GOSR2: variants seen among roughly 807,000 people sequenced by gnomAD.
GOSR2 encodes golgi SNAP receptor complex member 2, also known as 27 kDa Golgi SNARE protein.
Under a neutral mutation model 27.9 loss-of-function variants are expected in GOSR2, and 20 were observed. The observed-to-expected ratio is 0.72, with a 90% CI of 0.50 to 1.04. GOSR2 has a LOEUF of 1.04. Among genes scored for constraint, GOSR2 ranks in the 50% least tolerant of loss-of-function variants. GOSR2 has a pLI of 0.00. For synonymous variants in GOSR2, 91 were observed against 98.8 expected (o/e 0.92, Z 0.47); for missense variants, 261 against 270.5 (o/e 0.97, Z 0.25).
chr17:46,943,297 C>G (rs182047417), downstream of GOSR2, among the ~76,000 whole-genome samples: 4 of 152,326 alleles, frequency 2.6e-5, no homozygotes, highest in Admixed American at 2.6e-4. Flanking sequence ...TGACACCTCT[C>G]TGCTGAGTAA....
In GOSR2 at chr17:46,939,748, C is replaced by T; in HGVS notation, c.*988C>T. The T allele has an allele frequency of 1.0e-6, 1 of 987,272 alleles. No individual in the cohort carries two copies. The highest frequency in any genetic ancestry group is 1.2e-6 in the Non-Finnish European group (1 of 831,184). The allele number at this position is 987,272 out of a possible 1,614,324, so 61.2% of individuals were successfully genotyped here. ...ATCTGTAGTGTGTATGTCCTTGTAACACTCTGTTTTCAGGGACTACAACCT... is the reference window on the plus strand; with the variant it reads ...ATCTGTAGTGTGTATGTCCTTGTAATACTCTGTTTTCAGGGACTACAACCT... On this transcript the variant is annotated 3_prime_UTR_variant, in exon 6 of 6. Coordinates refer to ENST00000640051, the MANE Select transcript of GOSR2 (RefSeq NM_004287.5).
chr17:46,970,683 C>G (rs905736435), downstream of GOSR2, among the ~76,000 whole-genome samples: 2 of 152,154 alleles, frequency 1.3e-5, no homozygotes, highest in African/African-American at 2.4e-5. Context: ...GCTCCACTCA[C>G]GTGGACGGGG....
At chr17:46,961,175 A>T (rs2147297422) in intron 6 of GOSR2, among the ~76,000 whole-genome samples, 1 of 152,290 alleles carries the variant, frequency 6.6e-6, no homozygotes, top group South Asian at 2.1e-4. Flanking sequence ...TGGAACAAGG[A>T]TGCTTTTAAA....
In GOSR2 at chr17:46,954,203, A is replaced by G. The variant is rs577009857; in HGVS notation, c.584-12331A>G. Among the ~76,000 whole-genome samples, 100 of 152,300 alleles carry G rather than the reference A, an allele frequency of 6.6e-4. 3 individuals are homozygous for G. The South Asian group carries it at 0.02, about 30-fold the overall frequency. Reference sequence around the variant, plus strand: ...GTAAGTCTTTAATCCATCTTGAATTAACTTTTGTATAAGGTGTAAGGAAGG... The same window carrying G: ...GTAAGTCTTTAATCCATCTTGAATTGACTTTTGTATAAGGTGTAAGGAAGG... On this transcript the variant is annotated intron_variant, in intron 6 of 6. Transcript: ENST00000573224.
intron 6 of GOSR2, chr17:46,948,543 C>T (rs2090093796): frequency 6.6e-6 from 1 of 152,242 alleles, no homozygotes; most frequent in Non-Finnish European, 1.5e-5. Flanking sequence ...TTAGGACTTG[C>T]TCACTCCCTC....
At chr17:46,969,469 G>A (rs1222706178), downstream of GOSR2, among the ~76,000 whole-genome samples, 3 of 152,182 alleles carry the variant, frequency 2.0e-5, no homozygotes, top group African/African-American at 7.2e-5. Context: ...TGAGAGAGCT[G>A]CACAGGACCC....
chr17:46,958,434 T>C, intron 6 of GOSR2, among the ~76,000 whole-genome samples: 1 of 152,178 alleles, frequency 6.6e-6, no homozygotes, highest in South Asian at 2.1e-4. Flanking sequence ...GAGAATGGCT[T>C]CCTTTTATTC....
chr17:46,930,572 C>T (rs2087194371), intron 2 of GOSR2: 1 of 154,028 alleles, frequency 6.5e-6, no homozygotes, highest in South Asian at 2.0e-4. Context: ...CCCATTCTTA[C>T]AGAAAGCTTT....
At chr17:46,937,915 T>G (rs2088665912) in intron 5 of GOSR2, 2 of 153,152 alleles carry the variant, frequency 1.3e-5, no homozygotes, top group African/African-American at 4.8e-5. Flanking sequence ...CCACCCAGGC[T>G]GGAGTGCAGT....
At chr17:46,930,941 T>C in intron 2 of GOSR2, 158 bp from the exon 3 acceptor site, 1 of 637,362 alleles carries the variant, frequency 1.6e-6, no homozygotes, top group Non-Finnish European at 2.8e-6. Flanking sequence ...CGGCCTAACT[T>C]GAATTTTTTC....
intron 1 of GOSR2, among the ~76,000 whole-genome samples, chr17:46,924,756 TA>T (rs750255998): frequency 6.6e-6 from 1 of 152,216 alleles, no homozygotes. Context: ...GGAAGGGACT[TA>T]AAACTAGTCT....
Position 46,940,516 on chromosome 17 carries a change from A to T in GOSR2, c.*1756A>T. On this transcript the variant is annotated 3_prime_UTR_variant, in exon 6 of 6. Coordinates refer to ENST00000640051, the MANE Select transcript of GOSR2 (RefSeq NM_004287.5). ...GGACTTTTGGTAATCCATAAAATGG[A>T]TTCTGAGACTGCGACGGCAAGGCTG... 4 of 1,613,918 alleles carry T rather than the reference A, an allele frequency of 2.5e-6. No individual in the cohort carries two copies. Among genetic ancestry groups the T allele is most frequent in the Non-Finnish European group, 3.4e-6 (4 of 1,179,900 alleles).
downstream of GOSR2, among the ~76,000 whole-genome samples, chr17:46,968,437 G>A (rs1443301799): frequency 1.3e-5 from 2 of 152,184 alleles, no homozygotes; most frequent in African/African-American, 4.8e-5. Flanking sequence ...CCTGCCTGGG[G>A]TGTCCCTCCA....
intron 5 of GOSR2, chr17:46,936,472 G>T: frequency 2.0e-6 from 2 of 985,346 alleles, no homozygotes; most frequent in Non-Finnish European, 2.4e-6. Flanking sequence ...ACTTTCCTCT[G>T]CACACCTGTG....
Position 46,931,299 on chromosome 17 carries a change from C to T in GOSR2, c.203+92C>T, listed in dbSNP as rs975186378. 6.6e-6 allele frequency: 5 copies of T among 758,808 alleles called. No individual in the cohort carries two copies. The African/African-American group carries it at 8.5e-5, about 13-fold the overall frequency. 47.0% of individuals were successfully genotyped at this position (758,808 alleles called of 1,614,324 possible). On this transcript the variant is annotated intron_variant, in intron 3 of 5. Coordinates refer to ENST00000640051, the MANE Select transcript of GOSR2 (RefSeq NM_004287.5). ...GGAGGTGATAGAATATTCTGAAAACCAACGTACATGTTGAAAAACTATGAC... is the reference window on the plus strand; with the variant it reads ...GGAGGTGATAGAATATTCTGAAAACTAACGTACATGTTGAAAAACTATGAC...
intron 6 of GOSR2, among the ~76,000 whole-genome samples, chr17:46,947,891 C>T (rs2090040676): frequency 6.6e-6 from 1 of 152,214 alleles, no homozygotes; most frequent in African/African-American, 2.4e-5. Context: ...GCCTCAGCCT[C>T]CTGAGTAGCT....
Position 46,941,892 on chromosome 17 carries a change from G to T in GOSR2, c.*3132G>T. 1 of 982,782 alleles carries T rather than the reference G, an allele frequency of 1.0e-6. No individual in the cohort carries two copies. 60.9% of individuals were successfully genotyped at this position (982,782 alleles called of 1,614,324 possible). A position where few individuals can be genotyped will look rare whatever the true frequency, so the allele number is the denominator to read the frequency against. ...TTAGCCACTGTACCTGGCCTCTAAG[G>T]TGATTCTGATGTGTGTATTTTGGAA... On this transcript the variant is annotated 3_prime_UTR_variant, in exon 6 of 6. Coordinates refer to ENST00000640051, the MANE Select transcript of GOSR2 (RefSeq NM_004287.5).
chr17:46,926,843 G>A (rs1333131363), intron 1 of GOSR2, among the ~76,000 whole-genome samples: 2 of 152,188 alleles, frequency 1.3e-5, no homozygotes, highest in Non-Finnish European at 2.9e-5. Flanking sequence ...TGGATTATGG[G>A]CCTGTACAAA....
chr17:46,937,413 A>T (rs1330997720), intron 5 of GOSR2: 1 of 152,244 alleles, frequency 6.6e-6, no homozygotes, highest in East Asian at 1.9e-4. Context: ...TTTATAGTAT[A>T]AAATATTCTA....
Sources: allele counts gnomAD v4.1 joint callset (sites outside exome capture counted in the v4.1 genomes callset), GRCh38; gene constraint gnomAD v4.1.1; transcripts MANE v1.5; gene names NCBI Gene and HGNC (gene_info 2026-07-23, HGNC 2026-07-21).